Variants in DNM1 observed in about 807,000 individuals in gnomAD.
The protein encoded by DNM1 is dynamin-1.
DNM1 carries 29 observed loss-of-function variants against 104.6 expected under a neutral mutation model. The observed-to-expected ratio is 0.28, with a 90% CI of 0.21 to 0.38. DNM1 has a LOEUF of 0.38. DNM1 is among the 10% of genes least tolerant of loss of function. The pLI is 1.00. For missense variants in DNM1, 640 were observed against 1,189.4 expected, an observed-to-expected ratio of 0.54 and a Z score of 6.79; for synonymous variants, 445 against 475.8, an observed-to-expected ratio of 0.94 and a Z score of 0.84.
chr9:128,238,076 T>C (rs1408562965), intron 11 of DNM1, among the ~76,000 whole-genome samples: 9 of 150,434 alleles, frequency 6.0e-5, no homozygotes, highest in Admixed American at 5.3e-4. Flanking sequence ...TTCCCTGCCC[T>C]GTGCATTTTA....
At chr9:128,242,558 G>A (rs533101958) in intron 15 of DNM1, among the ~76,000 whole-genome samples, 13 of 152,256 alleles carry the variant, frequency 8.5e-5, no homozygotes, top group Admixed American at 2.6e-4. Context: ...TCAGGAGTCC[G>A]AGACCAGCCC....
intron 4 of DNM1, among the ~76,000 whole-genome samples, chr9:128,219,783 G>A (rs953647086): frequency 1.3e-5 from 2 of 152,178 alleles, no homozygotes; most frequent in African/African-American, 2.4e-5. Context: ...GCAACAAAGC[G>A]AGATCCCATC....
rs1176133428 is a variant in DNM1, at chr9:128,218,357, C to T, written c.235+53C>T. ...GGCCTGCCCACTCCAGCCTCTCCCC[C>T]GTCCCCAAGCTGAGGGCCAGCCTGG... is the stretch of plus-strand genomic sequence containing the variant. On this transcript the variant is annotated intron_variant, in intron 2 of 21. Coordinates refer to ENST00000372923, the MANE Select transcript of DNM1 (RefSeq NM_004408.4). This position sits in a 1 kb window ranked among gnomAD's most constrained non-coding sequence, Gnocchi z 4.8. The T allele has an allele frequency of 6.3e-6, 10 of 1,594,574 alleles. No individual in the cohort carries two copies. The highest frequency in any genetic ancestry group is 8.6e-6 in the Non-Finnish European group (10 of 1,162,420).
At chr9:128,238,935 G>A (rs376995141) in intron 11 of DNM1, among the ~76,000 whole-genome samples, 3 of 152,040 alleles carry the variant, frequency 2.0e-5, no homozygotes, top group South Asian at 4.2e-4. Flanking sequence ...GATTACAGGC[G>A]TGAGCCACCG....
At chr9:128,246,643 G>T (rs1160422133) in intron 16 of DNM1, 140 bp downstream of exon 16, 8 of 631,592 alleles carry the variant, frequency 1.3e-5, no homozygotes, top group African/African-American at 9.1e-5. Context: ...TGCTTATTGA[G>T]TTCCTGCTTT....
In DNM1 at chr9:128,243,932, G is replaced by A. The variant is rs557443393; in HGVS notation, c.1671+1587G>A. Among the ~76,000 whole-genome samples, 12 of 146,736 alleles carry A rather than the reference G, an allele frequency of 8.2e-5. No individual in the cohort carries two copies. The South Asian group carries it at 1.3e-3, about 15-fold the overall frequency. ...CTGTGGGCTGTGGGTGCTGGGAGGC[G>A]GGGTGTGTTTGTGTGTGTGTGTGTG... On this transcript the variant is annotated intron_variant, in intron 15 of 21. Coordinates refer to ENST00000372923, the MANE Select transcript of DNM1 (RefSeq NM_004408.4). The surrounding 1 kb of genome is among the most constrained non-coding windows in gnomAD (Gnocchi z 4.0).
chr9:128,215,056 G>A (rs980417258), intron 1 of DNM1, among the ~76,000 whole-genome samples: 1 of 152,242 alleles, frequency 6.6e-6, no homozygotes, highest in Admixed American at 6.5e-5. Flanking sequence ...TACTACGTGC[G>A]GGGCCTGTGC....
chr9:128,221,716 C>G (rs888312069), intron 6 of DNM1, among the ~76,000 whole-genome samples: 5 of 151,882 alleles, frequency 3.3e-5, no homozygotes, highest in Non-Finnish European at 7.4e-5. Flanking sequence ...GCCAACAAGG[C>G]GAAAACCTGT....
chr9:128,207,946 G>C (rs911022963), intron 1 of DNM1, among the ~76,000 whole-genome samples: 2 of 152,060 alleles, frequency 1.3e-5, no homozygotes, highest in African/African-American at 2.4e-5. Flanking sequence ...AGAGCCGAAG[G>C]AGCAGCCTGG....
intron 10 of DNM1, among the ~76,000 whole-genome samples, chr9:128,225,498 C>T (rs1835288514): frequency 6.6e-6 from 1 of 152,166 alleles, no homozygotes; most frequent in Non-Finnish European, 1.5e-5. Flanking sequence ...ATGCGGCAAC[C>T]CTAGAGATAG....
Position 128,219,160 on chromosome 9 carries a change from A to C in DNM1, c.497A>C (p.Lys166Thr). ...IRDMLMQFVT[K>T]ENCLILAVSP... ...GACATGCTTATGCAGTTTGTCACCAAGGAGAACTGCCTCATCCTGGCCGTG... is the reference window on the plus strand; with the variant it reads ...GACATGCTTATGCAGTTTGTCACCACGGAGAACTGCCTCATCCTGGCCGTG... The change falls in exon 4 of 22, where the codon AAG (lysine) becomes ACG (threonine). Residue 166 changes from lysine (K) to threonine (T), a missense_variant. This residue lies in a region of DNM1 where 172 missense variants were observed against 335.3 expected (regional missense o/e 0.51). Coordinates refer to ENST00000372923, the MANE Select transcript of DNM1 (RefSeq NM_004408.4). 2 of 1,614,160 alleles carry C rather than the reference A, an allele frequency of 1.2e-6. No homozygotes were observed. The highest frequency in any genetic ancestry group is 1.7e-6 in the Non-Finnish European group (2 of 1,180,032).
Position 128,253,984 on chromosome 9 carries a change from C to T in DNM1, c.2535-670C>T. ...ACCCCCCATTCTCCTGCCACTGACT[C>T]TCGCTCTTCTGCTTTTCCCAGCAGG... On this transcript the variant is annotated intron_variant, in intron 21 of 21. Transcript: ENST00000372923. This position sits in a 1 kb window ranked among gnomAD's most constrained non-coding sequence, Gnocchi z 5.9. The T allele has an allele frequency of 8.1e-7, 1 of 1,234,154 alleles. No individual in the cohort carries two copies. The highest frequency in any genetic ancestry group is 4.1e-5 in the South Asian group (1 of 24,458). 76.5% of individuals were successfully genotyped at this position (1,234,154 alleles called of 1,614,324 possible). A position where few individuals can be genotyped will look rare whatever the true frequency, so the allele number is the denominator to read the frequency against.
At chr9:128,211,075 G>A (rs893081909) in intron 1 of DNM1, among the ~76,000 whole-genome samples, 5 of 152,160 alleles carry the variant, frequency 3.3e-5, no homozygotes, top group South Asian at 2.1e-4. Flanking sequence ...ACTGCCTGCC[G>A]GCTCCCCCAT....
intron 10 of DNM1, chr9:128,225,940 A>C: frequency 8.8e-7 from 1 of 1,134,630 alleles, no homozygotes; most frequent in Non-Finnish European, 1.3e-6. Context: ...CATCCTCTCC[A>C]CCCCTGGATT....
At position 128,222,702 on chromosome 9, in the gene DNM1, T is replaced by C. The variant is rs1472367400; in HGVS notation, c.1129-91T>C. 1.3e-6 allele frequency: 2 copies of C among 1,596,696 alleles called. No homozygotes were observed. The highest frequency in any genetic ancestry group is 1.7e-6 in the Non-Finnish European group (2 of 1,166,304). On this transcript the variant is annotated intron_variant, in intron 8 of 21. Coordinates refer to ENST00000372923, the MANE Select transcript of DNM1 (RefSeq NM_004408.4). The surrounding 1 kb of genome is among the most constrained non-coding windows in gnomAD (Gnocchi z 7.8). ...CTGGCCCCCACCCCACAGGCCCTGATGCCCAGCCCTAGGTGTGGGGTGGGC... is the reference window on the plus strand; with the variant it reads ...CTGGCCCCCACCCCACAGGCCCTGACGCCCAGCCCTAGGTGTGGGGTGGGC...
chr9:128,225,568 G>T (rs948370311), intron 10 of DNM1, among the ~76,000 whole-genome samples: 3 of 152,198 alleles, frequency 2.0e-5, no homozygotes, highest in African/African-American at 7.2e-5. Flanking sequence ...GGGAAACGTA[G>T]AATTGAACAG....
intron 11 of DNM1, 94 bp downstream of exon 11, chr9:128,234,201 T>C (rs1423092408): frequency 2.9e-6 from 3 of 1,017,200 alleles, no homozygotes; most frequent in Non-Finnish European, 4.2e-6. Flanking sequence ...TTCCTTCTTG[T>C]TTTGTCTCTT....
intron 20 of DNM1, among the ~76,000 whole-genome samples, 168 bp from the exon 21 acceptor site, chr9:128,250,557 G>T (rs1443420210): frequency 6.6e-6 from 1 of 152,130 alleles, no homozygotes; most frequent in African/African-American, 2.4e-5. Context: ...GAGCTGGGGC[G>T]TTGGCGCCGC....
Position 128,254,978 on chromosome 9 carries a change from G to T in DNM1, c.*264G>T, listed in dbSNP as rs1240604880. ...CACATGGCCAACCGCCTCGCCTCTA[G>T]CGCTGGGAATCAGTCACTGTGCTAT... On this transcript the variant is annotated 3_prime_UTR_variant, in exon 22 of 22. Transcript: ENST00000372923. The surrounding 1 kb of genome is among the most constrained non-coding windows in gnomAD (Gnocchi z 6.1). 2.8e-6 allele frequency: 1 copy of T among 363,394 alleles called. No individual in the cohort carries two copies. The highest frequency in any genetic ancestry group is 4.9e-6 in the Non-Finnish European group (1 of 202,498). The allele number at this position is 363,394 out of a possible 1,614,324, so 22.5% of individuals were successfully genotyped here. A position where few individuals can be genotyped will look rare whatever the true frequency, so the allele number is the denominator to read the frequency against.
Sources: gnomAD v4.1 joint callset for allele counts (sites outside exome capture counted in the v4.1 genomes callset) on GRCh38, gnomAD v4.1.1 for gene constraint, gnomAD v4.1.1 regional missense constraint, Gnocchi (gnomAD v3.1) non-coding constraint, MANE v1.5 for transcripts, NCBI Gene and HGNC (gene_info 2026-07-23, HGNC 2026-07-21) for gene names.